Variants in CCDC138 observed in about 807,000 individuals in gnomAD.
CCDC138 encodes the protein coiled-coil domain containing 138, also known as coiled-coil domain-containing protein 138.
Under a neutral mutation model 82.3 loss-of-function variants are expected in CCDC138, and 66 were observed. The ratio of observed to expected loss-of-function variants is 0.80; its 90% CI spans 0.66 to 0.98. The LOEUF (loss-of-function observed/expected upper bound fraction) is 0.98, where lower values mean the gene tolerates loss of function less well. CCDC138 is among the 50% of genes least tolerant of loss of function. The pLI is 0.00. For missense variants in CCDC138, 816 were observed against 758.9 expected (o/e 1.08, Z -0.88); for synonymous variants, 297 against 265.4 (o/e 1.12, Z -1.16).
chr2:108,787,150 G>A (rs1373336051), intron 1 of CCDC138, among the ~76,000 whole-genome samples: 1 of 152,238 alleles, frequency 6.6e-6, no homozygotes, highest in Non-Finnish European at 1.5e-5. Flanking sequence ...ACTGGGCATG[G>A]TGTGGTGTTG....
At chr2:108,798,618 A>G in intron 6 of CCDC138, 32 bp downstream of exon 6, 2 of 1,499,874 alleles carry the variant, frequency 1.3e-6, no homozygotes, top group Non-Finnish European at 9.1e-7. Context: ...TTAGAGTGGT[A>G]TATTTCTTCT....
At chr2:108,826,564 A>C (rs1368500353) in intron 10 of CCDC138, among the ~76,000 whole-genome samples, 1 of 152,198 alleles carries the variant, frequency 6.6e-6, no homozygotes, top group East Asian at 1.9e-4. Flanking sequence ...ATACAGTGTA[A>C]ATAAGAGGGT....
At chr2:108,793,013 G>A (rs1680172359) in intron 4 of CCDC138, among the ~76,000 whole-genome samples, 1 of 151,032 alleles carries the variant, frequency 6.6e-6, no homozygotes, top group African/African-American at 2.5e-5. Flanking sequence ...GCAGTGAGCT[G>A]AGACTGTGCC....
intron 12 of CCDC138, among the ~76,000 whole-genome samples, chr2:108,849,170 G>C (rs1164093138): frequency 6.6e-6 from 1 of 151,924 alleles, no homozygotes; most frequent in Non-Finnish European, 1.5e-5. Flanking sequence ...TGTCCAAAAT[G>C]AATTACACAG....
chr2:108,853,879 ATATAT>A (rs1337125357), intron 12 of CCDC138, among the ~76,000 whole-genome samples: 42 of 123,096 alleles, frequency 3.4e-4, no homozygotes, highest in African/African-American at 7.0e-4. Flanking sequence ...ATACTATATA[ATATAT>A]TATATAGTAT....
chr2:108,816,045 T>TA lies in CCDC138; in HGVS notation c.1152dup (p.Pro385ThrfsTer11), dbSNP rs774082911. 2.7e-5 allele frequency: 44 copies of TA among 1,613,532 alleles called. No homozygotes were observed. The Middle Eastern group carries it at 4.9e-4, about 18-fold the overall frequency. On this transcript the variant is annotated frameshift_variant, in exon 10 of 15. Coordinates refer to ENST00000295124, the MANE Select transcript of CCDC138 (RefSeq NM_144978.3). LOFTEE classifies it high-confidence loss of function. Reference sequence around the variant, plus strand: ...AACATGAAGAATCTGGAATGGATGGTAAAAAACCACAACTCAAATTTGCTT... The same window carrying TA: ...AACATGAAGAATCTGGAATGGATGGTAAAAAAACCACAACTCAAATTTGCTT...
chr2:108,798,364 T>C (rs1054044163), intron 5 of CCDC138, 64 bp from the exon 6 acceptor site: 1 of 1,553,216 alleles, frequency 6.4e-7, no homozygotes, highest in South Asian at 1.2e-5. Flanking sequence ...TGTCAGCCAA[T>C]AGGAATATAA....
intron 5 of CCDC138, among the ~76,000 whole-genome samples, chr2:108,796,134 C>T (rs1385512939): frequency 5.3e-5 from 8 of 152,066 alleles, no homozygotes; most frequent in African/African-American, 1.7e-4. Flanking sequence ...CTGCAAGCTC[C>T]GCCTCCTGGG....
intron 11 of CCDC138, among the ~76,000 whole-genome samples, chr2:108,845,787 G>C (rs1022316843): frequency 6.6e-6 from 1 of 152,082 alleles, no homozygotes. Context: ...TAGCCAGGAT[G>C]GTCTCGATCT....
intron 12 of CCDC138, among the ~76,000 whole-genome samples, chr2:108,853,827 G>C (rs1416227924): frequency 1.5e-5 from 2 of 134,838 alleles, no homozygotes; most frequent in Non-Finnish European, 3.1e-5. Flanking sequence ...CCAGCCAACT[G>C]TCTTCTATAT....
intron 5 of CCDC138, among the ~76,000 whole-genome samples, chr2:108,796,269 T>C (rs1330841374): frequency 1.3e-5 from 2 of 151,616 alleles, no homozygotes; most frequent in Admixed American, 1.3e-4. Context: ...TTAGCCAGGA[T>C]GGTCTCGATC....
intron 13 of CCDC138, among the ~76,000 whole-genome samples, chr2:108,866,617 G>A (rs1039944171): frequency 6.6e-6 from 1 of 152,200 alleles, no homozygotes; most frequent in African/African-American, 2.4e-5. Context: ...AGGCATGGTG[G>A]CTCATGCCTG....
intron 12 of CCDC138, among the ~76,000 whole-genome samples, chr2:108,852,446 C>G (rs1372054399): frequency 1.3e-5 from 2 of 152,164 alleles, no homozygotes; most frequent in Non-Finnish European, 2.9e-5. Flanking sequence ...AGGACACATG[C>G]ATGTGTTGTG....
At chr2:108,831,588 C>G (rs1022073181) in intron 10 of CCDC138, among the ~76,000 whole-genome samples, 1 of 152,082 alleles carries the variant, frequency 6.6e-6, no homozygotes, top group East Asian at 1.9e-4. Context: ...CTAAGAGAAA[C>G]TTGACTTTCC....
intron 10 of CCDC138, among the ~76,000 whole-genome samples, chr2:108,831,413 A>G (rs1687590768): frequency 6.6e-6 from 1 of 152,194 alleles, no homozygotes; most frequent in African/African-American, 2.4e-5. Flanking sequence ...AAAAGATAAG[A>G]AAAAGTACTT....
At chr2:108,867,902 G>T (rs926137097) in intron 13 of CCDC138, among the ~76,000 whole-genome samples, 1 of 152,130 alleles carries the variant, frequency 6.6e-6, no homozygotes, top group Non-Finnish European at 1.5e-5. Context: ...TACTATCTGG[G>T]AGCTGAGGTG....
chr2:108,838,530 G>A (rs1574153227), intron 10 of CCDC138, among the ~76,000 whole-genome samples: 1 of 152,262 alleles, frequency 6.6e-6, no homozygotes, highest in Non-Finnish European at 1.5e-5. Context: ...TGGTATCTCA[G>A]AAGTGGGAGT....
At chr2:108,839,329 A>G (rs750572563) in intron 11 of CCDC138, 28 bp downstream of exon 11, 6 of 1,574,074 alleles carry the variant, frequency 3.8e-6, no homozygotes, top group South Asian at 2.3e-5. Flanking sequence ...ATTTATCTAT[A>G]AGTAATACTC....
chr2:108,879,744 A>G (rs763653749), downstream of CCDC138, among the ~76,000 whole-genome samples: 2 of 152,300 alleles, frequency 1.3e-5, no homozygotes, highest in South Asian at 4.1e-4. Context: ...CTAAGCCGCT[A>G]TCATTGTTGT....
Sources: allele counts gnomAD v4.1 joint callset (sites outside exome capture counted in the v4.1 genomes callset), GRCh38; gene constraint gnomAD v4.1.1; transcripts MANE v1.5; gene names NCBI Gene and HGNC (gene_info 2026-07-23, HGNC 2026-07-21).